HDGF: variants seen among roughly 807,000 people sequenced by gnomAD.
The protein encoded by HDGF is heparin binding growth factor.
A neutral mutation model predicts 30.0 loss-of-function variants in HDGF; 5 were observed. That is an observed-to-expected ratio of 0.17 (90% CI 0.09 to 0.35). The LOEUF is 0.35. Among genes scored for constraint, HDGF ranks in the 10% least tolerant of loss-of-function variants. HDGF has a pLI of 1.00. For synonymous variants in HDGF, 133 were observed against 112.7 expected (o/e 1.18, Z -1.14); for missense variants, 214 against 302.8 (o/e 0.71, Z 2.18).
intron 2 of HDGF, among the ~76,000 whole-genome samples, chr1:156,757,680 A>C (rs1292465015): frequency 6.7e-6 from 1 of 148,684 alleles, no homozygotes; most frequent in African/African-American, 2.5e-5. Context: ...GTAGTCCCAG[A>C]TACTTCGGAG....
At chr1:156,743,991 C>T in intron 4 of HDGF, 113 bp from the exon 5 acceptor site, 2 of 1,059,606 alleles carry the variant, frequency 1.9e-6, no homozygotes. Context: ...CCTTCCCCAA[C>T]CCTACTAGCT....
At chr1:156,750,483 GGGCTCATACTGGCT>G (rs1650887891) in intron 1 of HDGF, 1 of 152,378 alleles carries the variant, frequency 6.6e-6, no homozygotes, top group Non-Finnish European at 1.5e-5. Context: ...GTTGTGGGGG[GGGCTCATACTGGCT>G]GGCTGAATTA....
intron 1 of HDGF, among the ~76,000 whole-genome samples, chr1:156,763,541 A>G (rs902879973): frequency 1.3e-5 from 2 of 149,804 alleles, no homozygotes; most frequent in Non-Finnish European, 1.5e-5. Flanking sequence ...GAAAACTTTT[A>G]TTATGATTAC....
chr1:156,762,409 A>C (rs1473193874), intron 1 of HDGF, among the ~76,000 whole-genome samples: 1 of 151,998 alleles, frequency 6.6e-6, no homozygotes, highest in African/African-American at 2.4e-5. Flanking sequence ...TCTACTAAAA[A>C]TAAAAAAATT....
upstream of HDGF, among the ~76,000 whole-genome samples, chr1:156,752,748 C>T (rs1447259474): frequency 6.6e-6 from 1 of 152,150 alleles, no homozygotes; most frequent in Admixed American, 6.5e-5. Flanking sequence ...CTGTATTTGC[C>T]CACATTCCAG....
At position 156,744,342 on chromosome 1, in the gene HDGF, G is replaced by T. The variant is rs1194509996; in HGVS notation, c.310C>A (p.Gln104Lys). The change falls in exon 4 of 6, where the codon CAG becomes AAG. Residue 104 changes from glutamine to lysine, a missense_variant. Physicochemically the swap from Gln to Lys is moderately conservative, Grantham distance 53. Coordinates refer to ENST00000357325, the MANE Select transcript of HDGF (RefSeq NM_004494.3). ...TVKASGYQSS[Q>K]KKSCVEEPEP... is the part of the protein sequence containing the mutation. ...GGCTCTTCCACACAGCTCTTTTTCT[G>T]GGAGGACTGCAGCAGAGACAGCACA... is the stretch of plus-strand genomic sequence containing the variant. The T allele has an allele frequency of 6.2e-7, 1 of 1,613,798 alleles. No individual in the cohort carries two copies. Among genetic ancestry groups the T allele is most frequent in the African/African-American group, 1.3e-5 (1 of 74,882 alleles).
chr1:156,760,347 G>C (rs557897180), intron 1 of HDGF, among the ~76,000 whole-genome samples: 10 of 152,068 alleles, frequency 6.6e-5, no homozygotes, highest in Non-Finnish European at 1.3e-4. Context: ...GTGTGGGTGA[G>C]GGGGGGCCAA....
At chr1:156,764,762 TGTAA>T (rs1168437373) in intron 1 of HDGF, among the ~76,000 whole-genome samples, 1 of 151,418 alleles carries the variant, frequency 6.6e-6, no homozygotes, top group African/African-American at 2.4e-5. Flanking sequence ...GGTGCACACC[TGTAA>T]TCCCAGCTAC....
chr1:156,763,493 T>C (rs1651295087), intron 1 of HDGF, among the ~76,000 whole-genome samples: 1 of 151,516 alleles, frequency 6.6e-6, no homozygotes, highest in South Asian at 2.1e-4. Context: ...GGATTAGAGG[T>C]GTGAGCCACC....
intron 2 of HDGF, among the ~76,000 whole-genome samples, chr1:156,758,811 C>A (rs1476645084): frequency 6.6e-6 from 1 of 152,026 alleles, no homozygotes; most frequent in Non-Finnish European, 1.5e-5. Flanking sequence ...GAGTCAGACA[C>A]CCCCTAGAGT....
rs565052677 is a variant in HDGF at position 156,743,156 on chromosome 1, C to T, written c.*293G>A. 1 of 356,902 alleles carries T rather than the reference C, an allele frequency of 2.8e-6. No homozygotes were observed. Among genetic ancestry groups the T allele is most frequent in the Admixed American group, 4.4e-5 (1 of 22,880 alleles). The allele number at this position is 356,902 out of a possible 1,614,324, so 22.1% of individuals were successfully genotyped here. A position where few individuals can be genotyped will look rare whatever the true frequency, so the allele number is the denominator to read the frequency against. ...CAGTTGTCCCAGGCCCCAGCAGAAG[C>T]CTGGAAAATAGCTCCAAGCGGAAGG... On this transcript the variant is annotated 3_prime_UTR_variant, in exon 6 of 6. Transcript: ENST00000357325.
At chr1:156,749,528 A>G (rs1650823193) in intron 1 of HDGF, among the ~76,000 whole-genome samples, 1 of 152,126 alleles carries the variant, frequency 6.6e-6, no homozygotes, top group Non-Finnish European at 1.5e-5. Context: ...TGATCTCCCT[A>G]CCCCAGTTCT....
intron 1 of HDGF, among the ~76,000 whole-genome samples, chr1:156,759,775 C>G (rs1419595485): frequency 6.6e-6 from 1 of 152,166 alleles, no homozygotes; most frequent in Non-Finnish European, 1.5e-5. Context: ...CCACCGTGCC[C>G]AGTCACCCCA....
chr1:156,743,936 C>T, intron 4 of HDGF, 58 bp from the exon 5 acceptor site: 1 of 1,288,492 alleles, frequency 7.8e-7, no homozygotes, highest in Non-Finnish European at 1.1e-6. Context: ...CACCAGCCAC[C>T]CACTCCTCTC....
At chr1:156,745,728 A>G (rs1165908664) in intron 1 of HDGF, among the ~76,000 whole-genome samples, 1 of 152,160 alleles carries the variant, frequency 6.6e-6, no homozygotes, top group Non-Finnish European at 1.5e-5. Flanking sequence ...ATGTTGGTCC[A>G]AGGATTTCGT....
chr1:156,751,658 T>G lies in HDGF; in HGVS notation c.-229A>C. 1 of 1,037,306 alleles carries G rather than the reference T, an allele frequency of 9.6e-7. No homozygotes were observed. Among genetic ancestry groups the G allele is most frequent in the Non-Finnish European group, 1.2e-6 (1 of 864,924 alleles). 64.3% of individuals were successfully genotyped at this position (1,037,306 alleles called of 1,614,324 possible). ...CTCCGGCGCGGTGGGTGCGCGCTCG[T>G]GCAGTTGTTTGTGTTTGAAATTCAA... is the stretch of plus-strand genomic sequence containing the variant. On this transcript the variant is annotated 5_prime_UTR_variant, in exon 1 of 6. Transcript: ENST00000357325. The surrounding 1 kb of genome is among the most constrained non-coding windows in gnomAD (Gnocchi z 4.7).
chr1:156,767,102 C>A (rs866127871), upstream of HDGF, among the ~76,000 whole-genome samples: 1 of 152,178 alleles, frequency 6.6e-6, no homozygotes, highest in Non-Finnish European at 1.5e-5. Context: ...ATTTACAGAT[C>A]ACTTTGCCTT....
exon 2 of HDGF, chr1:156,759,132 G>A (rs1651201859): frequency 6.6e-6 from 1 of 152,150 alleles, no homozygotes; most frequent in African/African-American, 2.4e-5. Flanking sequence ...AGAGGTCAAA[G>A]CACCTGAAGA....
intron 1 of HDGF, 116 bp from the exon 2 acceptor site, chr1:156,745,489 A>G: frequency 1.2e-6 from 1 of 815,906 alleles, no homozygotes; most frequent in South Asian, 1.7e-5. Context: ...GACCCAGGAT[A>G]GTCAGCAAGA....
Sources: gnomAD v4.1 joint callset for allele counts (sites outside exome capture counted in the v4.1 genomes callset) on GRCh38, gnomAD v4.1.1 for gene constraint, Gnocchi (gnomAD v3.1) non-coding constraint, MANE v1.5 for transcripts, NCBI Gene and HGNC (gene_info 2026-07-23, HGNC 2026-07-21) for gene names.